SUCLA2: variants seen among roughly 807,000 people sequenced by gnomAD.
SUCLA2 encodes succinate--CoA ligase [ADP-forming] subunit beta, mitochondrial.
SUCLA2 carries 30 observed loss-of-function variants against 54.8 expected under a neutral mutation model. That is an observed-to-expected ratio of 0.55 (90% CI 0.41 to 0.74). SUCLA2 has a LOEUF of 0.74. SUCLA2 is among the 30% of genes least tolerant of loss of function. The pLI, the probability that SUCLA2 is intolerant of heterozygous loss-of-function variation, is 0.00. For missense variants in SUCLA2, 476 were observed against 562.9 expected, an observed-to-expected ratio of 0.85 and a Z score of 1.56; for synonymous variants, 172 against 188.9, an observed-to-expected ratio of 0.91 and a Z score of 0.74.
chr13:47,945,440 A>AC (rs1949721883), intron 10 of SUCLA2, among the ~76,000 whole-genome samples: 1 of 148,692 alleles, frequency 6.7e-6, no homozygotes, highest in African/African-American at 2.5e-5. Context: ...AAAAAAAAAA[A>AC]AAAATCAAGA....
chr13:47,953,815 A>G (rs1245687196), intron 8 of SUCLA2, among the ~76,000 whole-genome samples: 1 of 152,148 alleles, frequency 6.6e-6, no homozygotes, highest in African/African-American at 2.4e-5. Flanking sequence ...CTCCTTAACA[A>G]ATATCTAGTG....
chr13:47,954,604 C>G (rs146436952), intron 6 of SUCLA2, 47 bp from the exon 7 acceptor site: 9 of 1,589,942 alleles, frequency 5.7e-6, no homozygotes, highest in African/African-American at 2.7e-5. Flanking sequence ...AAGACAGATA[C>G]AATAAAGTAT....
chr13:47,967,989 C>T (rs1490796296), intron 6 of SUCLA2, among the ~76,000 whole-genome samples: 1 of 152,054 alleles, frequency 6.6e-6, no homozygotes, highest in Non-Finnish European at 1.5e-5. Flanking sequence ...ATTGACATCC[C>T]TAATATATAA....
At chr13:47,946,686 A>C (rs1333261221) in intron 10 of SUCLA2, among the ~76,000 whole-genome samples, 1 of 152,156 alleles carries the variant, frequency 6.6e-6, no homozygotes, top group African/African-American at 2.4e-5. Context: ...AAATCCACTA[A>C]GTTGTGGGAC....
chr13:47,946,341 G>C (rs1323992133), intron 10 of SUCLA2, among the ~76,000 whole-genome samples: 3 of 152,076 alleles, frequency 2.0e-5, no homozygotes, highest in Non-Finnish European at 4.4e-5. Context: ...CTGCAGATAA[G>C]GGGGGACTAC....
chr13:47,990,670 C>A (rs535062971), intron 2 of SUCLA2, among the ~76,000 whole-genome samples: 1 of 152,194 alleles, frequency 6.6e-6, no homozygotes, highest in African/African-American at 2.4e-5. Context: ...TGGGATATAA[C>A]AACTACTCCA....
chr13:47,981,809 T>C (rs1352312712), intron 4 of SUCLA2, among the ~76,000 whole-genome samples: 1 of 151,924 alleles, frequency 6.6e-6, no homozygotes, highest in East Asian at 1.9e-4. Context: ...CGAGACTCCG[T>C]CTCAAAAAAA....
chr13:48,000,241 T>C (rs1950219934), intron 1 of SUCLA2, among the ~76,000 whole-genome samples: 1 of 152,164 alleles, frequency 6.6e-6, no homozygotes, highest in Middle Eastern at 3.2e-3. Flanking sequence ...TGGAATTGAC[T>C]TAGGACACCA....
intron 1 of SUCLA2, 185 bp downstream of exon 1, chr13:48,000,995 C>T: frequency 6.9e-7 from 1 of 1,448,778 alleles, no homozygotes; most frequent in Non-Finnish European, 9.1e-7. Flanking sequence ...GTCAGAGCCG[C>T]GCAAACATGG....
At chr13:47,956,337 A>G (rs1949821254) in intron 6 of SUCLA2, among the ~76,000 whole-genome samples, 1 of 152,138 alleles carries the variant, frequency 6.6e-6, no homozygotes, top group Non-Finnish European at 1.5e-5. Flanking sequence ...GAACCTGAAG[A>G]CAAAGAGAAA....
At chr13:47,972,435 G>A (rs1283207564) in intron 5 of SUCLA2, among the ~76,000 whole-genome samples, 2 of 151,910 alleles carry the variant, frequency 1.3e-5, no homozygotes, top group East Asian at 2.0e-4. Flanking sequence ...TTGGGAGGCC[G>A]AGGCGGGTGG....
At chr13:47,946,774 G>T (rs1192568915) in intron 10 of SUCLA2, among the ~76,000 whole-genome samples, 1 of 151,888 alleles carries the variant, frequency 6.6e-6, no homozygotes, top group African/African-American at 2.4e-5. Flanking sequence ...TTATAAAACT[G>T]TCATATCTGT....
At chr13:47,965,153 CG>C (rs1949907387) in intron 6 of SUCLA2, among the ~76,000 whole-genome samples, 1 of 151,632 alleles carries the variant, frequency 6.6e-6, no homozygotes, top group Non-Finnish European at 1.5e-5. Context: ...AAAGCTCTTC[CG>C]TATAATACAA....
intron 1 of SUCLA2, 82 bp downstream of exon 1, chr13:48,001,098 C>A (rs565883819): frequency 1.3e-6 from 2 of 1,534,772 alleles, no homozygotes; most frequent in African/African-American, 1.4e-5. Flanking sequence ...GCGAAGTGAC[C>A]CCGAGCCGGG....
intron 8 of SUCLA2, among the ~76,000 whole-genome samples, chr13:47,953,047 C>T (rs1448204867): frequency 6.6e-6 from 1 of 152,094 alleles, no homozygotes; most frequent in African/African-American, 2.4e-5. Flanking sequence ...CCCAGTAAAA[C>T]TATAAGTAAC....
At position 47,994,396 on chromosome 13, in the gene SUCLA2, C is replaced by T. The variant is rs146587996; in HGVS notation, c.271+2447G>A. 1.4e-3 allele frequency among the ~76,000 whole-genome samples: 218 copies of T among 151,914 alleles called. 3 individuals are homozygous for T. In the East Asian group the frequency reaches 0.032, roughly 23 times the overall value. ...CAGCCTGACCAACATGGTGAAACCC[C>T]GTCTCTACTAAAAATACAAAAATTA... On this transcript the variant is annotated intron_variant, in intron 2 of 10. Transcript: ENST00000646932.
At chr13:47,947,462 T>C (rs1258053858) in intron 10 of SUCLA2, among the ~76,000 whole-genome samples, 1 of 152,208 alleles carries the variant, frequency 6.6e-6, no homozygotes, top group Admixed American at 6.5e-5. Context: ...ATGTACTCCA[T>C]GGTAACAAAT....
intron 9 of SUCLA2, 21 bp from the exon 10 acceptor site, chr13:47,949,049 T>TATAA: frequency 1.2e-6 from 2 of 1,608,708 alleles, no homozygotes; most frequent in Non-Finnish European, 1.7e-6. Flanking sequence ...TTTATGCAAA[T>TATAA]ATAAATGTTT....
chr13:47,950,933 C>T (rs1005395786), intron 8 of SUCLA2, among the ~76,000 whole-genome samples: 8 of 152,144 alleles, frequency 5.3e-5, no homozygotes, highest in African/African-American at 1.9e-4. Flanking sequence ...TTTACCTTAC[C>T]ACTATTATTC....
Sources: gnomAD v4.1 joint callset for allele counts (sites outside exome capture counted in the v4.1 genomes callset) on GRCh38, gnomAD v4.1.1 for gene constraint, MANE v1.5 for transcripts, NCBI Gene and HGNC (gene_info 2026-07-23, HGNC 2026-07-21) for gene names.